POMT2: variants seen among roughly 807,000 people sequenced by gnomAD.
POMT2 encodes protein O-mannosyltransferase 2.
POMT2 carries 75 observed loss-of-function variants against 100.0 expected under a neutral mutation model. The observed-to-expected ratio is 0.75, with a 90% confidence interval of 0.62 to 0.91. The LOEUF is 0.91. Among genes scored for constraint, POMT2 ranks in the 40% least tolerant of loss-of-function variants. The pLI, the probability that POMT2 is intolerant of heterozygous loss-of-function variation, is 0.00. For missense variants in POMT2, 940 were observed against 955.1 expected (o/e 0.98, Z 0.21); for synonymous variants, 378 against 374.1 (o/e 1.01, Z -0.12).
chr14:77,308,848 C>T, intron 2 of POMT2: 2 of 429,658 alleles, frequency 4.7e-6, no homozygotes, highest in Admixed American at 2.6e-5. Flanking sequence ...TCATATATAC[C>T]TGCGCAACTA....
intron 2 of POMT2, among the ~76,000 whole-genome samples, chr14:77,310,971 T>C (rs1566661447): frequency 1.3e-5 from 2 of 152,336 alleles, no homozygotes; most frequent in East Asian, 3.9e-4. Context: ...CCGTCTCTAC[T>C]GAAAATACAA....
At chr14:77,285,167 T>C (rs1383489966) in intron 13 of POMT2, 126 bp from the exon 14 acceptor site, 1 of 890,256 alleles carries the variant, frequency 1.1e-6, no homozygotes, top group Non-Finnish European at 1.8e-6. Flanking sequence ...TATTTCTTCA[T>C]GTTCCATGTT....
At chr14:77,301,391 G>GAGCCA in intron 5 of POMT2, 142 bp from the exon 6 acceptor site, 1 of 1,167,700 alleles carries the variant, frequency 8.6e-7, no homozygotes, top group Non-Finnish European at 1.2e-6. Context: ...AGGGACCATG[G>GAGCCA]CGTGGCTCCA....
At chr14:77,280,524 T>G in intron 15 of POMT2, 61 bp from the exon 16 acceptor site, 6 of 1,612,292 alleles carry the variant, frequency 3.7e-6, no homozygotes, top group Non-Finnish European at 3.4e-6. Context: ...GACAGAAATG[T>G]GGGGCCCAGG....
chr14:77,293,460 T>G (rs1890712998), intron 9 of POMT2, among the ~76,000 whole-genome samples: 1 of 152,276 alleles, frequency 6.6e-6, no homozygotes, highest in South Asian at 2.1e-4. Flanking sequence ...CAGAATGTTG[T>G]ACATTAAAAC....
At position 77,277,434 on chromosome 14, in the gene POMT2, G is replaced by A; in HGVS notation, c.2195C>T (p.Ala732Val). Reference protein sequence around the residue: ...PLAYGMVGPLAQDPQSPMAGL... With the variant: ...PLAYGMVGPLVQDPQSPMAGL... ...TGCCATTGGACTTTGGGGGTCCTGGGCCAGGGGACCAACCATCCCGTAAGC... is the reference window on the plus strand; with the variant it reads ...TGCCATTGGACTTTGGGGGTCCTGGACCAGGGGACCAACCATCCCGTAAGC... The change falls in exon 21 of 21, where the codon GCC (alanine) becomes GTC (valine). Residue 732 changes from alanine (A) to valine (V), a missense_variant. Transcript: ENST00000261534. The A allele has an allele frequency of 6.2e-7, 1 of 1,614,120 alleles. No homozygotes were observed. Among genetic ancestry groups the A allele is most frequent in the Non-Finnish European group, 8.5e-7 (1 of 1,179,946 alleles).
chr14:77,319,905 A>G (rs1891787535), intron 1 of POMT2, among the ~76,000 whole-genome samples: 1 of 152,212 alleles, frequency 6.6e-6, no homozygotes, highest in South Asian at 2.1e-4. Context: ...CAGTATCTGG[A>G]TAGTACAAGC....
intron 11 of POMT2, 36 bp downstream of exon 11, chr14:77,288,726 G>T: frequency 6.4e-7 from 1 of 1,568,364 alleles, no homozygotes; most frequent in Non-Finnish European, 8.8e-7. Flanking sequence ...CTTGGTGCCC[G>T]TACCATTTAT....
rs552149677 is a variant in POMT2 at position 77,296,606 on chromosome 14, T to C, written c.1007-333A>G. ...GGATTCAATGGAATAAAGAAGGAAGTATCTTCTGTCTTCGCCTGGAATGTT... is the reference window on the plus strand; with the variant it reads ...GGATTCAATGGAATAAAGAAGGAAGCATCTTCTGTCTTCGCCTGGAATGTT... On this transcript the variant is annotated intron_variant, in intron 8 of 20. Transcript: ENST00000261534. 15 of 286,998 alleles carry C rather than the reference T, an allele frequency of 5.2e-5. No individual in the cohort carries two copies. In the South Asian group the frequency reaches 5.6e-4, roughly 11 times the overall value. 17.8% of individuals were successfully genotyped at this position (286,998 alleles called of 1,614,324 possible).
In POMT2 at chr14:77,288,777, C is replaced by T. The variant is rs190285831; in HGVS notation, c.1238G>A (p.Arg413Gln). 16 of 1,613,644 alleles carry T rather than the reference C, an allele frequency of 9.9e-6. No homozygotes were observed. Among genetic ancestry groups the T allele is most frequent in the African/African-American group, 1.3e-5 (1 of 74,956 alleles). The change falls in exon 11 of 21, where the codon CGA becomes CAA. Residue 413 changes from arginine to glutamine, a missense_variant. Physicochemically the swap from Arg to Gln is conservative, Grantham distance 43. Coordinates refer to ENST00000261534, the MANE Select transcript of POMT2 (RefSeq NM_013382.7). ...ATTGACTTACTCTTTGTGTTCTAGTCGAATAATGTCTCCATGTCTTACAAA... is the reference window on the plus strand; with the variant it reads ...ATTGACTTACTCTTTGTGTTCTAGTTGAATAATGTCTCCATGTCTTACAAA... ...VEFVRHGDII[R>Q]LEHKETSRNL... is the part of the protein sequence containing the mutation.
intron 2 of POMT2, among the ~76,000 whole-genome samples, chr14:77,308,076 G>C (rs915495695): frequency 1.1e-4 from 16 of 150,402 alleles, no homozygotes; most frequent in Admixed American, 9.3e-4. Flanking sequence ...TGGCCAGGCT[G>C]GTCTTGAACT....
chr14:77,278,900 G>A, intron 18 of POMT2, 31 bp from the exon 19 acceptor site: 1 of 1,607,818 alleles, frequency 6.2e-7, no homozygotes, highest in Middle Eastern at 1.7e-4. Flanking sequence ...CCAGTCAGAA[G>A]ACAAGGAGCG....
Position 77,283,840 on chromosome 14 carries a change from C to A in POMT2, c.1610G>T (p.Ser537Ile). 1 of 1,613,402 alleles carries A rather than the reference C, an allele frequency of 6.2e-7. No individual in the cohort carries two copies. The highest frequency in any genetic ancestry group is 1.1e-5 in the South Asian group (1 of 91,064). The change falls in exon 15 of 21, where the codon AGT becomes ATT. Residue 537 changes from serine to isoleucine, a missense_variant. Physicochemically the swap from Ser to Ile is moderately radical, Grantham distance 142. Coordinates refer to ENST00000261534, the MANE Select transcript of POMT2 (RefSeq NM_013382.7). The part of the protein sequence containing the change: ...PNISLDVLQP[S>I]FPEILLESHM... The stretch of plus-strand genomic sequence containing the variant: ...GGATTCCAGCAAGATCTCAGGAAAA[C>A]TGGGCTGTAGCACATCCAGGCTGAT...
rs75904271 is a variant in POMT2, at chr14:77,318,617, A to G, written c.248+1817T>C. On this transcript the variant is annotated intron_variant, in intron 1 of 20. Coordinates refer to ENST00000261534, the MANE Select transcript of POMT2 (RefSeq NM_013382.7). ...ACCACTGTAATGGTAATCAAATTTG[A>G]TGGTGATCCAAATAAAAATCTAACA... is the stretch of plus-strand genomic sequence containing the variant. 6.2e-4 allele frequency among the ~76,000 whole-genome samples: 94 copies of G among 152,292 alleles called. 1 individual carries two copies. The East Asian group carries it at 0.015, about 25-fold the overall frequency.
At chr14:77,317,148 C>T (rs1891663453) in intron 1 of POMT2, among the ~76,000 whole-genome samples, 2 of 152,216 alleles carry the variant, frequency 1.3e-5, no homozygotes, top group Admixed American at 1.3e-4. Flanking sequence ...CCACTGCGTG[C>T]CAGACTTGTG....
chr14:77,278,226 C>A (rs1246988650), intron 20 of POMT2, 168 bp downstream of exon 20: 2 of 660,884 alleles, frequency 3.0e-6, no homozygotes, highest in Admixed American at 2.1e-5. Flanking sequence ...ATTAGGATCA[C>A]CTGGGGGACT....
chr14:77,299,322 G>T, intron 7 of POMT2, 133 bp downstream of exon 7: 1 of 789,534 alleles, frequency 1.3e-6, no homozygotes, highest in Non-Finnish European at 2.2e-6. Context: ...TAGCAGGAAA[G>T]AAACAGGAAA....
In POMT2 at chr14:77,301,100, C is replaced by CT; in HGVS notation, c.805dup (p.Ser269LysfsTer39). Reference sequence around the variant, plus strand: ...CCCTTGGGTGCTCACCAATGAAAGACTGAGGTCTCCGAACAGGTACCAAAG... The same window carrying CT: ...CCCTTGGGTGCTCACCAATGAAAGACTTGAGGTCTCCGAACAGGTACCAAAG... On this transcript the variant is annotated frameshift_variant, in exon 6 of 21. Coordinates refer to ENST00000261534, the MANE Select transcript of POMT2 (RefSeq NM_013382.7). LOFTEE classifies it high-confidence loss of function. 1 of 1,614,170 alleles carries CT rather than the reference C, an allele frequency of 6.2e-7. No individual in the cohort carries two copies. Among genetic ancestry groups the CT allele is most frequent in the Non-Finnish European group, 8.5e-7 (1 of 1,180,014 alleles).
chr14:77,285,435 G>A, intron 13 of POMT2, 46 bp downstream of exon 13: 1 of 1,612,560 alleles, frequency 6.2e-7, no homozygotes, highest in East Asian at 2.2e-5. Flanking sequence ...AGAGTGAAAG[G>A]AAAATCAGGA....
Sources: allele counts gnomAD v4.1 joint callset (sites outside exome capture counted in the v4.1 genomes callset), GRCh38; gene constraint gnomAD v4.1.1; transcripts MANE v1.5; gene names NCBI Gene and HGNC (gene_info 2026-07-23, HGNC 2026-07-21).